Variants in DOLPP1 observed in about 807,000 individuals in gnomAD.
The protein encoded by DOLPP1 is dolichyldiphosphatase 1, also known as dolichyl pyrophosphate phosphatase 1.
A neutral mutation model predicts 34.1 loss-of-function variants in DOLPP1; 15 were observed. That is an observed-to-expected ratio of 0.44 (90% CI 0.29 to 0.68). DOLPP1 has a LOEUF of 0.68. DOLPP1 is among the 30% of genes least tolerant of loss of function. The pLI, the probability that DOLPP1 is intolerant of heterozygous loss-of-function variation, is 0.12. For missense variants in DOLPP1, 249 were observed against 307.1 expected (o/e 0.81, Z 1.41); for synonymous variants, 130 against 128.2 (o/e 1.01, Z -0.10).
At position 129,081,162 on chromosome 9, in the gene DOLPP1, G is replaced by A. The variant is rs776850557; in HGVS notation, c.31G>A (p.Ala11Thr). The change falls in exon 1 of 8, where the codon GCT becomes ACT. Residue 11 changes from alanine to threonine, a missense_variant. Transcript: ENST00000372546. ...AGCGGACGGACAGTGCTCGCTCCCC[G>A]CTTCATGGCGGCCGGTGACCCTCAC... is the stretch of plus-strand genomic sequence containing the variant. Reference protein sequence around the residue: MAADGQCSLPASWRPVTLTHV... With the variant: MAADGQCSLPTSWRPVTLTHV... The A allele has an allele frequency of 6.2e-7, 1 of 1,609,838 alleles. No homozygotes were observed. The highest frequency in any genetic ancestry group is 2.2e-5 in the East Asian group (1 of 44,640).
chr9:129,087,256 A>T (rs972825350), intron 7 of DOLPP1, among the ~76,000 whole-genome samples: 1 of 151,682 alleles, frequency 6.6e-6, no homozygotes, highest in Non-Finnish European at 1.5e-5. Context: ...ATGCTGTTTC[A>T]TTCACCCCAA....
chr9:129,085,448 G>C lies in DOLPP1; in HGVS notation c.363-70G>C. On this transcript the variant is annotated intron_variant, in intron 4 of 7. Coordinates refer to ENST00000372546, the MANE Select transcript of DOLPP1 (RefSeq NM_020438.5). The surrounding 1 kb of genome is among the most constrained non-coding windows in gnomAD (Gnocchi z 7.0). The stretch of plus-strand genomic sequence containing the variant: ...AGGTACCCAGGGAGCATTTGGATGG[G>C]GCCAGGGACTGTTTGGGAGGCCTGG... 6.4e-7 allele frequency: 1 copy of C among 1,556,054 alleles called. No individual in the cohort carries two copies. The highest frequency in any genetic ancestry group is 8.8e-7 in the Non-Finnish European group (1 of 1,131,106).
At chr9:129,084,790 C>CCAG in intron 2 of DOLPP1, 22 bp downstream of exon 2, 1 of 1,533,812 alleles carries the variant, frequency 6.5e-7, no homozygotes, top group Non-Finnish European at 9.0e-7. Flanking sequence ...TTGCCCACAC[C>CCAG]CTCCCCACCC....
At chr9:129,086,606 G>A (rs927686903) in intron 6 of DOLPP1, 103 bp from the exon 7 acceptor site, 21 of 1,194,874 alleles carry the variant, frequency 1.8e-5, no homozygotes, top group Non-Finnish European at 2.5e-5. Flanking sequence ...CTAGGCAGTC[G>A]GGGCGGGTGC....
intron 2 of DOLPP1, 68 bp downstream of exon 2, chr9:129,084,836 G>A (rs780244555): frequency 3.8e-5 from 32 of 842,860 alleles, no homozygotes; most frequent in Non-Finnish European, 4.9e-5. Flanking sequence ...TGGGAAGCCC[G>A]TCCGCCCCTC....
intron 7 of DOLPP1, among the ~76,000 whole-genome samples, chr9:129,087,261 C>T (rs1394552386): frequency 6.6e-6 from 1 of 152,074 alleles, no homozygotes; most frequent in Non-Finnish European, 1.5e-5. Flanking sequence ...GTTTCATTCA[C>T]CCCAAATCCT....
chr9:129,086,189 C>T lies in DOLPP1; in HGVS notation c.512C>T (p.Ala171Val), dbSNP rs1438800711. ...AGCCAGGTGCTCTATGGAGGCATCG[C>T]TGGAGGCCTCATGGCCATCGCCTGG... Reference protein sequence around the residue: ...TWSQVLYGGIAGGLMAIAWFI... With the variant: ...TWSQVLYGGIVGGLMAIAWFI... Residue 171 changes from alanine to valine, a missense_variant, in exon 6 of 8, where the codon GCT becomes GTT. Transcript: ENST00000372546. 6.2e-7 allele frequency: 1 copy of T among 1,613,300 alleles called. No homozygotes were observed. Among genetic ancestry groups the T allele is most frequent in the South Asian group, 1.1e-5 (1 of 91,074 alleles).
intron 6 of DOLPP1, 74 bp downstream of exon 6, chr9:129,086,341 C>T: frequency 6.4e-7 from 1 of 1,563,982 alleles, no homozygotes. Context: ...GTGGGCGGAC[C>T]TAGGAGTCTT....
intron 1 of DOLPP1, among the ~76,000 whole-genome samples, chr9:129,084,174 C>T (rs1297863182): frequency 6.6e-6 from 1 of 152,218 alleles, no homozygotes; most frequent in East Asian, 1.9e-4. Flanking sequence ...AGGGCTCAGC[C>T]AGGGCAGCCC....
rs746326329 is a variant in DOLPP1, at chr9:129,086,265, C to G, written c.588C>G (p.Ala196=). 6.2e-7 allele frequency: 1 copy of G among 1,613,100 alleles called. No individual in the cohort carries two copies. Among genetic ancestry groups the G allele is most frequent in the East Asian group, 2.2e-5 (1 of 44,872 alleles). ...VLTPLFPRIA[A]WPVSEFFLIR... ...CCCCGCTGTTCCCCAGGATAGCAGC[C>G]TGGTAACTGCCTCCTGCCTTCCTGG... Residue 196 remains alanine, a splice_region_variant and synonymous_variant, in exon 6 of 8, where the codon GCC becomes GCG. Transcript: ENST00000372546.
chr9:129,082,739 G>C (rs982274489), intron 1 of DOLPP1, among the ~76,000 whole-genome samples: 4 of 152,134 alleles, frequency 2.6e-5, no homozygotes, highest in Non-Finnish European at 5.9e-5. Context: ...TCTTCACACC[G>C]TCACTTGCTT....
intron 7 of DOLPP1, among the ~76,000 whole-genome samples, chr9:129,087,867 G>GC (rs1348910202): frequency 6.6e-6 from 1 of 151,612 alleles, no homozygotes; most frequent in African/African-American, 2.4e-5. Flanking sequence ...GTCCCAGCTG[G>GC]CCCCGCTGAT....
rs527941363 is a variant in DOLPP1 at position 129,085,903 on chromosome 9, G to A, written c.462-236G>A. 6.6e-6 allele frequency among the ~76,000 whole-genome samples: 1 copy of A among 152,364 alleles called. No homozygotes were observed. The highest frequency in any genetic ancestry group is 2.1e-4 in the South Asian group (1 of 4,834). The stretch of plus-strand genomic sequence containing the variant: ...AATTCAGAGGTCAAGGGCTAGATGG[G>A]AGGCAGGCAGATCCCAGCTGGCCCT... On this transcript the variant is annotated intron_variant, in intron 5 of 7. Transcript: ENST00000372546. The surrounding 1 kb of genome is among the most constrained non-coding windows in gnomAD (Gnocchi z 7.0).
chr9:129,084,320 GA>G (rs1846943435), intron 1 of DOLPP1, among the ~76,000 whole-genome samples: 1 of 152,252 alleles, frequency 6.6e-6, no homozygotes, highest in African/African-American at 2.4e-5. Flanking sequence ...GAACAGGTCA[GA>G]GACTTGGACT....
At chr9:129,088,292 G>A (rs1348346817) in intron 7 of DOLPP1, among the ~76,000 whole-genome samples, 1 of 152,106 alleles carries the variant, frequency 6.6e-6, no homozygotes, top group Non-Finnish European at 1.5e-5. Context: ...TGCCGGGGCT[G>A]GAGCCCAGGG....
At chr9:129,087,696 G>A (rs1339251711) in intron 7 of DOLPP1, among the ~76,000 whole-genome samples, 1 of 144,734 alleles carries the variant, frequency 6.9e-6, no homozygotes, top group Non-Finnish European at 1.5e-5. Context: ...GGCTGAGAGG[G>A]ACTGTGGGGC....
rs751673674 is a variant in DOLPP1, at chr9:129,086,243, C to T, written c.566C>T (p.Pro189Leu). The T allele has an allele frequency of 3.7e-6, 6 of 1,613,418 alleles. No homozygotes were observed. The highest frequency in any genetic ancestry group is 5.1e-6 in the Non-Finnish European group (6 of 1,179,934). The change falls in exon 6 of 8, where the codon CCG (proline) becomes CTG (leucine). Residue 189 changes from proline to leucine, a missense_variant. Coordinates refer to ENST00000372546, the MANE Select transcript of DOLPP1 (RefSeq NM_020438.5). ...WFIFTQEVLTPLFPRIAAWPV... is the reference protein window; with the variant it reads ...WFIFTQEVLTLLFPRIAAWPV... ...ATCTTCACCCAGGAGGTCCTCACCC[C>T]GCTGTTCCCCAGGATAGCAGCCTGG...
In DOLPP1 at chr9:129,085,334, C is replaced by T; in HGVS notation, c.362+28C>T. On this transcript the variant is annotated intron_variant, in intron 4 of 7. Transcript: ENST00000372546. The surrounding 1 kb of genome is among the most constrained non-coding windows in gnomAD (Gnocchi z 7.0). ...GAGTTTCCACCCCGGTCAGGATGGCCCTGAACTTGCTCAGGCCGAGTTCTG... is the reference window on the plus strand; with the variant it reads ...GAGTTTCCACCCCGGTCAGGATGGCTCTGAACTTGCTCAGGCCGAGTTCTG... 6.2e-7 allele frequency: 1 copy of T among 1,602,042 alleles called. No individual in the cohort carries two copies. Among genetic ancestry groups the T allele is most frequent in the Non-Finnish European group, 8.6e-7 (1 of 1,169,214 alleles).
intron 7 of DOLPP1, among the ~76,000 whole-genome samples, chr9:129,087,049 C>T (rs1457124953): frequency 6.6e-6 from 1 of 152,222 alleles, no homozygotes; most frequent in African/African-American, 2.4e-5. Context: ...GCCCAGGGCC[C>T]ATGCTTTTAA....
Sources: allele counts gnomAD v4.1 joint callset (sites outside exome capture counted in the v4.1 genomes callset), GRCh38; gene constraint gnomAD v4.1.1; non-coding constraint Gnocchi (gnomAD v3.1); transcripts MANE v1.5; gene names NCBI Gene and HGNC (gene_info 2026-07-23, HGNC 2026-07-21).